The following LBP variants were observed in gnomAD, a reference collection of about 807,000 sequenced individuals.
LBP encodes the protein lipopolysaccharide-binding protein.
A neutral mutation model predicts 56.6 loss-of-function variants in LBP; 53 were observed. That is an observed-to-expected ratio of 0.94 (90% CI 0.75 to 1.18). LBP has a LOEUF of 1.18. Among genes scored for constraint, LBP ranks in the 50% most tolerant of loss-of-function variants. LBP has a pLI of 0.00. For synonymous variants in LBP, 227 were observed against 247.5 expected (o/e 0.92, Z 0.78); for missense variants, 601 against 598.3 (o/e 1.00, Z -0.05).
At chr20:38,349,720 A>G (rs1461616458) in intron 2 of LBP, 58 bp downstream of exon 2, 2 of 1,245,930 alleles carry the variant, frequency 1.6e-6, no homozygotes, top group Admixed American at 2.1e-5. Flanking sequence ...GTCAGGGGGA[A>G]TTGGAGAGTG....
intron 5 of LBP, 145 bp from the exon 6 acceptor site, chr20:38,360,559 A>G: frequency 1.6e-6 from 1 of 620,000 alleles, no homozygotes; most frequent in East Asian, 2.7e-5. Context: ...TTTCCTTGGT[A>G]CCTGGCTCAT....
chr20:38,349,700 G>A, intron 2 of LBP, 38 bp downstream of exon 2: 1 of 1,418,662 alleles, frequency 7.0e-7, no homozygotes, highest in South Asian at 1.3e-5. Flanking sequence ...TGAAGTGGCT[G>A]GAGCTGGCTG....
intron 6 of LBP, among the ~76,000 whole-genome samples, chr20:38,361,358 T>C (rs76328747): frequency 0.024 from 3,714 of 152,272 alleles, 161 homozygotes; most frequent in African/African-American, 0.083. Flanking sequence ...TGTGTATATG[T>C]ATTATTTTAA....
At chr20:38,356,757 A>G (rs1474392511) in intron 5 of LBP, among the ~76,000 whole-genome samples, 1 of 152,218 alleles carries the variant, frequency 6.6e-6, no homozygotes, top group Non-Finnish European at 1.5e-5. Context: ...TTATTGTATA[A>G]CTATTCTGAT....
At chr20:38,347,700 A>G (rs7267449) in intron 1 of LBP, among the ~76,000 whole-genome samples, 11,574 of 151,906 alleles carry the variant, frequency 0.076, 1,089 homozygotes, top group African/African-American at 0.22. Context: ...GGGTTTGTCA[A>G]CTCCCCAGCA....
At chr20:38,353,751 G>GT (rs1473634852) in intron 3 of LBP, among the ~76,000 whole-genome samples, 23 of 151,746 alleles carry the variant, frequency 1.5e-4, no homozygotes, top group Middle Eastern at 3.2e-3. Context: ...AACTTCAAAA[G>GT]TTTTTTTTGA....
chr20:38,352,683 A>T (rs1017211779), intron 3 of LBP, among the ~76,000 whole-genome samples: 1 of 152,198 alleles, frequency 6.6e-6, no homozygotes, highest in Admixed American at 6.5e-5. Flanking sequence ...GTAGCCTGGG[A>T]GGCGGAGGTT....
intron 14 of LBP, 130 bp from the exon 15 acceptor site, chr20:38,376,495 A>G (rs1417830359): frequency 1.2e-6 from 1 of 815,666 alleles, no homozygotes; most frequent in Non-Finnish European, 2.1e-6. Context: ...GCACACTCGC[A>G]ATTTATGCAC....
At chr20:38,367,300 A>G (rs1301119599) in intron 9 of LBP, among the ~76,000 whole-genome samples, 2 of 152,014 alleles carry the variant, frequency 1.3e-5, no homozygotes, top group Admixed American at 1.3e-4. Context: ...CAAAAAATAC[A>G]AAAATTAGCC....
In LBP at chr20:38,358,891, C is replaced by T. The variant is rs531228502; in HGVS notation, c.589-1813C>T. 7.2e-5 allele frequency among the ~76,000 whole-genome samples: 11 copies of T among 152,286 alleles called. No individual in the cohort carries two copies. The South Asian group carries it at 2.1e-3, about 29-fold the overall frequency. On this transcript the variant is annotated intron_variant, in intron 5 of 14. Transcript: ENST00000217407. Reference sequence around the variant, plus strand: ...CGCACATCAACAAAGAAAATATTGACGTATGAACCCAAATGTTTTAATGGT... The same window carrying T: ...CGCACATCAACAAAGAAAATATTGATGTATGAACCCAAATGTTTTAATGGT...
intron 11 of LBP, 51 bp downstream of exon 11, chr20:38,370,856 A>G (rs374650130): frequency 2.1e-6 from 3 of 1,413,426 alleles, no homozygotes; most frequent in Non-Finnish European, 3.0e-6. Flanking sequence ...CTCCATCTGT[A>G]TGCTGTAGCT....
At chr20:38,372,637 G>T (rs2076904533) in intron 12 of LBP, among the ~76,000 whole-genome samples, 1 of 152,144 alleles carries the variant, frequency 6.6e-6, no homozygotes, top group Non-Finnish European at 1.5e-5. Flanking sequence ...AACTTTGAGG[G>T]GTTGTTGTGA....
intron 1 of LBP, 90 bp downstream of exon 1, chr20:38,346,730 C>A (rs553976874): frequency 1.9e-6 from 3 of 1,547,272 alleles, no homozygotes; most frequent in Non-Finnish European, 2.6e-6. Context: ...GGACACAGAC[C>A]GGACCCTCTC....
At chr20:38,356,261 A>T (rs188430269) in intron 5 of LBP, among the ~76,000 whole-genome samples, 1 of 101,360 alleles carries the variant, frequency 9.9e-6, no homozygotes, top group East Asian at 3.8e-4. Flanking sequence ...GCACCCACAC[A>T]CACCACACGC....
chr20:38,350,142 C>T (rs371362664), intron 2 of LBP, among the ~76,000 whole-genome samples: 25 of 152,262 alleles, frequency 1.6e-4, no homozygotes, highest in Middle Eastern at 3.4e-3. Flanking sequence ...TTTAAAAGAG[C>T]GTGAACTGCT....
chr20:38,374,257 C>T (rs1189739897), intron 14 of LBP, among the ~76,000 whole-genome samples: 4 of 152,230 alleles, frequency 2.6e-5, no homozygotes, highest in Non-Finnish European at 2.9e-5. Flanking sequence ...CACCACATCC[C>T]ATCCCTACCA....
Position 38,368,997 on chromosome 20 carries a change from A to T in LBP, c.984A>T (p.Leu328Phe). Residue 328 changes from leucine to phenylalanine, a missense_variant and splice_region_variant, in exon 10 of 15, where the codon TTA becomes TTT. Transcript: ENST00000217407. ...TKSFRPFVPR[L>F]ARLYPNMNLE... ...TAATCTCCTAATTCTGCTCCCAGTTAGCCAGGCTCTACCCCAACATGAACC... is the reference window on the plus strand; with the variant it reads ...TAATCTCCTAATTCTGCTCCCAGTTTGCCAGGCTCTACCCCAACATGAACC... 1 of 1,614,048 alleles carries T rather than the reference A, an allele frequency of 6.2e-7. No homozygotes were observed. The highest frequency in any genetic ancestry group is 8.5e-7 in the Non-Finnish European group (1 of 1,179,946).
chr20:38,359,461 A>G (rs2076852116), intron 5 of LBP, among the ~76,000 whole-genome samples: 1 of 152,232 alleles, frequency 6.6e-6, no homozygotes, highest in Non-Finnish European at 1.5e-5. Context: ...ACATGCCTGT[A>G]ATCCCAGCTA....
At chr20:38,348,540 C>G (rs1404603399) in intron 1 of LBP, among the ~76,000 whole-genome samples, 1 of 152,080 alleles carries the variant, frequency 6.6e-6, no homozygotes, top group East Asian at 1.9e-4. Flanking sequence ...CTCGATGATC[C>G]ACCCGCCTCG....
Sources: gnomAD v4.1 joint callset for allele counts (sites outside exome capture counted in the v4.1 genomes callset) on GRCh38, gnomAD v4.1.1 for gene constraint, MANE v1.5 for transcripts, NCBI Gene and HGNC (gene_info 2026-07-23, HGNC 2026-07-21) for gene names.